The following MAP6 variants were observed in gnomAD, a reference collection of about 807,000 sequenced individuals.
MAP6 encodes the protein microtubule associated protein 6, also known as microtubule-associated protein 6.
Under a neutral mutation model 42.4 loss-of-function variants are expected in MAP6, and 26 were observed. That is an observed-to-expected ratio of 0.61 (90% CI 0.45 to 0.85). MAP6 has a LOEUF of 0.85. Among genes scored for constraint, MAP6 ranks in the 40% least tolerant of loss-of-function variants. The pLI is 0.00. For synonymous variants in MAP6, 418 were observed against 443.8 expected (o/e 0.94, Z 0.73); for missense variants, 966 against 1,099.0 (o/e 0.88, Z 1.71).
chr11:75,653,713 C>T (rs981397974), intron 1 of MAP6, among the ~76,000 whole-genome samples: 2 of 152,136 alleles, frequency 1.3e-5, no homozygotes, highest in African/African-American at 4.8e-5. Context: ...CATATTTGCA[C>T]AGGTAGATTA....
intron 1 of MAP6, among the ~76,000 whole-genome samples, chr11:75,636,478 C>T (rs997598489): frequency 1.3e-5 from 2 of 152,190 alleles, no homozygotes. Flanking sequence ...GATGTTTTGG[C>T]ATCTGGGGCC....
chr11:75,615,683 C>T (rs560044959), intron 1 of MAP6, among the ~76,000 whole-genome samples: 3 of 152,326 alleles, frequency 2.0e-5, no homozygotes, highest in African/African-American at 7.2e-5. Context: ...CAGCAGCTTC[C>T]AGCGCCAGGC....
At position 75,587,297 on chromosome 11, in the gene MAP6, G is replaced by A; in HGVS notation, c.2204C>T (p.Pro735Leu). The change falls in exon 4 of 4, where the codon CCA (proline) becomes CTA (leucine). Residue 735 changes from proline (P) to leucine (L), a missense_variant. Pro to Leu is a moderately conservative substitution (Grantham distance 98). This residue lies in a region of MAP6 where 943 missense variants were observed against 1,049.9 expected (regional missense o/e 0.90). Transcript: ENST00000304771. The part of the protein sequence containing the change: ...KDQGPTVLQP[P>L]KNQGRIVPEP... The stretch of plus-strand genomic sequence containing the variant: ...AGGGACTATACGACCTTGATTCTTT[G>A]GAGGCTGTAGGACTGTGGGGCCTTG... The A allele has an allele frequency of 6.2e-7, 1 of 1,614,116 alleles. No individual in the cohort carries two copies. Among genetic ancestry groups the A allele is most frequent in the Non-Finnish European group, 8.5e-7 (1 of 1,180,016 alleles).
chr11:75,588,294 T>C (rs1942403627), intron 3 of MAP6, 110 bp from the exon 4 acceptor site: 12 of 974,502 alleles, frequency 1.2e-5, no homozygotes, highest in Non-Finnish European at 1.8e-5. Context: ...GCCGGGCAGC[T>C]CTTGCTGGAG....
intron 1 of MAP6, among the ~76,000 whole-genome samples, chr11:75,657,991 T>A (rs150208123): frequency 4.6e-5 from 7 of 152,322 alleles, no homozygotes; most frequent in African/African-American, 1.7e-4. Flanking sequence ...GATTTGGACA[T>A]CTTTGCAGGG....
At chr11:75,622,970 C>T (rs760491415) in intron 1 of MAP6, among the ~76,000 whole-genome samples, 5 of 152,112 alleles carry the variant, frequency 3.3e-5, no homozygotes, top group Non-Finnish European at 7.3e-5. Flanking sequence ...TTGGCTAACA[C>T]TGTAAATAGG....
chr11:75,589,190 A>G (rs1942430362), intron 3 of MAP6, among the ~76,000 whole-genome samples: 1 of 152,204 alleles, frequency 6.6e-6, no homozygotes, highest in Non-Finnish European at 1.5e-5. Context: ...CCTATAGCCA[A>G]GAGTCCCAGT....
chr11:75,598,151 G>C (rs1161139694), intron 3 of MAP6, among the ~76,000 whole-genome samples: 1 of 152,114 alleles, frequency 6.6e-6, no homozygotes, highest in Admixed American at 6.6e-5. Flanking sequence ...CCAAATTCTT[G>C]CTTCCTGAAT....
intron 3 of MAP6, chr11:75,602,834 T>C: frequency 2.0e-6 from 2 of 985,562 alleles, no homozygotes; most frequent in Non-Finnish European, 2.4e-6. Context: ...CAGGTGGGCC[T>C]CACCAAGGAA....
chr11:75,647,763 A>G (rs1397853267), intron 1 of MAP6, among the ~76,000 whole-genome samples: 1 of 152,234 alleles, frequency 6.6e-6, no homozygotes, highest in East Asian at 1.9e-4. Flanking sequence ...CCTGAGGCCA[A>G]TCGAAATCCC....
At chr11:75,620,523 A>G (rs1439402061) in intron 1 of MAP6, among the ~76,000 whole-genome samples, 3 of 151,974 alleles carry the variant, frequency 2.0e-5, no homozygotes, top group Non-Finnish European at 4.4e-5. Flanking sequence ...AGAAAATAGA[A>G]GAAAAGAGAA....
At position 75,618,141 on chromosome 11, in the gene MAP6, A is replaced by C. The variant is rs186743365; in HGVS notation, c.906-9819T>G. ...TTTTTTTTTTTGAAAAAAGTGCTTA[A>C]TGTGTTTTAAACAAAGCTGGCACTA... On this transcript the variant is annotated intron_variant, in intron 1 of 3. Transcript: ENST00000304771. Among the ~76,000 whole-genome samples the C allele has an allele frequency of 4.2e-3, 620 of 146,412 alleles. 1 individual carries two copies. Among genetic ancestry groups the C allele is most frequent in the Non-Finnish European group, 6.9e-3 (460 of 67,010 alleles).
intron 3 of MAP6, chr11:75,604,989 C>T: frequency 1.0e-6 from 1 of 985,488 alleles, no homozygotes; most frequent in Non-Finnish European, 1.2e-6. Flanking sequence ...CAGACATCTC[C>T]AACCGGTCGC....
At chr11:75,610,365 T>C (rs1300491797) in intron 1 of MAP6, among the ~76,000 whole-genome samples, 1 of 152,258 alleles carries the variant, frequency 6.6e-6, no homozygotes, top group Non-Finnish European at 1.5e-5. Context: ...TTTTCACCCA[T>C]TCATTCAGTC....
intron 1 of MAP6, among the ~76,000 whole-genome samples, chr11:75,624,941 G>A (rs954306280): frequency 6.6e-6 from 1 of 152,142 alleles, no homozygotes; most frequent in Non-Finnish European, 1.5e-5. Flanking sequence ...GCATCCTAGA[G>A]TAACAAAAAG....
At chr11:75,652,738 G>A (rs1361571658) in intron 1 of MAP6, among the ~76,000 whole-genome samples, 1 of 151,714 alleles carries the variant, frequency 6.6e-6, no homozygotes, top group Non-Finnish European at 1.5e-5. Flanking sequence ...ACTAGGGAGG[G>A]TGAGGCAGGA....
At chr11:75,657,268 G>A (rs1374696884) in intron 1 of MAP6, among the ~76,000 whole-genome samples, 2 of 151,916 alleles carry the variant, frequency 1.3e-5, no homozygotes, top group South Asian at 2.1e-4. Context: ...CCACCACCAC[G>A]CCCAGCTAAT....
Position 75,667,333 on chromosome 11 carries a change from T to TG in MAP6, c.905+131dup. The TG allele has an allele frequency of 1.2e-6, 1 of 809,736 alleles. No individual in the cohort carries two copies. Among genetic ancestry groups the TG allele is most frequent in the South Asian group, 2.3e-5 (1 of 43,300 alleles). 50.2% of individuals were successfully genotyped at this position (809,736 alleles called of 1,614,324 possible). A position where few individuals can be genotyped will look rare whatever the true frequency, so the allele number is the denominator to read the frequency against. On this transcript the variant is annotated intron_variant, in intron 1 of 3. Transcript: ENST00000304771. This position sits in a 1 kb window ranked among gnomAD's most constrained non-coding sequence, Gnocchi z 5.6. ...GACAGGAGGTGGCCTGGGAGGCGGC[T>TG]GGGGAGAGGGTGTGGCCTGGGACTG... is the stretch of plus-strand genomic sequence containing the variant.
At chr11:75,666,472 G>A (rs75182506) in intron 1 of MAP6, among the ~76,000 whole-genome samples, 2,119 of 152,280 alleles carry the variant, frequency 0.014, 45 homozygotes, top group African/African-American at 0.049. Flanking sequence ...GGTGGCAAGA[G>A]AATGAGAGAC....
Sources: allele counts gnomAD v4.1 joint callset (sites outside exome capture counted in the v4.1 genomes callset), GRCh38; gene constraint gnomAD v4.1.1; regional missense constraint gnomAD v4.1.1; non-coding constraint Gnocchi (gnomAD v3.1); transcripts MANE v1.5; gene names NCBI Gene and HGNC (gene_info 2026-07-23, HGNC 2026-07-21).